Variants in NUP210L observed in about 807,000 individuals in gnomAD.
NUP210L encodes the protein nuclear pore membrane glycoprotein 210-like.
NUP210L carries 74 observed loss-of-function variants against 208.5 expected under a neutral mutation model. The ratio of observed to expected loss-of-function variants is 0.35; its 90% CI spans 0.29 to 0.43. NUP210L has a LOEUF of 0.43. NUP210L is among the 20% of genes least tolerant of loss of function. The pLI is 1.00. For synonymous variants in NUP210L, 780 were observed against 816.9 expected, an observed-to-expected ratio of 0.95 and a Z score of 0.77; for missense variants, 1,843 against 2,289.4, an observed-to-expected ratio of 0.81 and a Z score of 3.98.
In NUP210L at chr1:154,126,308, C is replaced by G; in HGVS notation, c.1326+15G>C. The G allele has an allele frequency of 6.2e-7, 1 of 1,603,952 alleles. No homozygotes were observed. The highest frequency in any genetic ancestry group is 8.5e-7 in the Non-Finnish European group (1 of 1,175,980). ...AGTGTTCTTAGAATACAAACACTGT[C>G]TGTTTAATTCCTACCTGGTAAATGA... is the stretch of plus-strand genomic sequence containing the variant. On this transcript the variant is annotated intron_variant, in intron 10 of 39. Transcript: ENST00000368559.
intron 20 of NUP210L, among the ~76,000 whole-genome samples, chr1:154,059,484 A>G (rs1292099359): frequency 6.6e-6 from 1 of 152,186 alleles, no homozygotes; most frequent in African/African-American, 2.4e-5. Context: ...ACAGAGTGAG[A>G]CCCTATTTCT....
At chr1:154,148,268 GAA>G (rs1186039766) in intron 2 of NUP210L, among the ~76,000 whole-genome samples, 1 of 139,290 alleles carries the variant, frequency 7.2e-6, no homozygotes, top group Non-Finnish European at 1.6e-5. Flanking sequence ...CTCGGTCTCA[GAA>G]AAAAAAAAAA....
chr1:154,013,675 TAATCTC>T (rs1358270935), intron 33 of NUP210L, among the ~76,000 whole-genome samples: 5 of 152,312 alleles, frequency 3.3e-5, no homozygotes, highest in African/African-American at 1.2e-4. Flanking sequence ...TAGTTGCACA[TAATCTC>T]AATCTTTTCT....
chr1:154,053,567 C>T (rs563296431), intron 25 of NUP210L, among the ~76,000 whole-genome samples: 81 of 152,316 alleles, frequency 5.3e-4, no homozygotes, highest in Middle Eastern at 3.4e-3. Context: ...CAAGGAACAC[C>T]TGGCCCACCC....
intron 16 of NUP210L, among the ~76,000 whole-genome samples, chr1:154,082,650 G>C (rs986961641): frequency 6.6e-6 from 1 of 152,130 alleles, no homozygotes; most frequent in Admixed American, 6.5e-5. Flanking sequence ...AGTTCCATGA[G>C]TCACTCTGCT....
chr1:154,011,373 G>A (rs1571164584), intron 34 of NUP210L, among the ~76,000 whole-genome samples: 3 of 151,476 alleles, frequency 2.0e-5, no homozygotes, highest in South Asian at 2.1e-4. Context: ...ACAGGCACCC[G>A]CCACTGCACC....
intron 10 of NUP210L, 134 bp downstream of exon 10, chr1:154,126,189 C>G (rs983669829): frequency 5.7e-6 from 4 of 704,894 alleles, no homozygotes; most frequent in African/African-American, 1.8e-5. Flanking sequence ...TATACACTTA[C>G]GAATTTGCTG....
intron 27 of NUP210L, among the ~76,000 whole-genome samples, chr1:154,036,553 T>A (rs1004075967): frequency 6.6e-6 from 1 of 150,978 alleles, no homozygotes; most frequent in African/African-American, 2.4e-5. Context: ...TTAGTAGAGA[T>A]GGGGTTTCAC....
intron 10 of NUP210L, among the ~76,000 whole-genome samples, chr1:154,125,977 C>G (rs1191608445): frequency 6.7e-6 from 1 of 150,086 alleles, no homozygotes; most frequent in Non-Finnish European, 1.5e-5. Flanking sequence ...ACCGTTTTAG[C>G]CGGGATGGTC....
At chr1:154,046,432 T>C (rs934641912) in intron 25 of NUP210L, 63 bp from the exon 26 acceptor site, 1 of 1,328,896 alleles carries the variant, frequency 7.5e-7, no homozygotes, top group Non-Finnish European at 1.1e-6. Context: ...TGGACAGAGA[T>C]GCTTTTGATA....
At chr1:154,103,626 C>T (rs532610653) in intron 13 of NUP210L, among the ~76,000 whole-genome samples, 358 of 140,946 alleles carry the variant, frequency 2.5e-3, no homozygotes, top group Non-Finnish European at 3.5e-3. Flanking sequence ...GAGCCGAGAT[C>T]GCGCCACTGC....
chr1:154,148,386 G>A (rs1392176066), intron 2 of NUP210L, among the ~76,000 whole-genome samples: 1 of 152,114 alleles, frequency 6.6e-6, no homozygotes, highest in Non-Finnish European at 1.5e-5. Flanking sequence ...GGGAGGTTAG[G>A]GTGGGCAGAT....
chr1:154,121,240 T>C lies in NUP210L; in HGVS notation c.1327-2432A>G, dbSNP rs549745207. ...TCTCTATGCACTTGACTGGAGTGTG[T>C]CTACAGGTAATAATTTAAACAGCTG... On this transcript the variant is annotated intron_variant, in intron 10 of 39. Transcript: ENST00000368559. Among the ~76,000 whole-genome samples, 230 of 152,296 alleles carry C rather than the reference T, an allele frequency of 1.5e-3. 1 individual carries two copies. The highest frequency in any genetic ancestry group is 5.3e-3 in the African/African-American group (219 of 41,562).
At chr1:154,057,343 T>G (rs1187260805) in intron 22 of NUP210L, among the ~76,000 whole-genome samples, 1 of 152,132 alleles carries the variant, frequency 6.6e-6, no homozygotes, top group Non-Finnish European at 1.5e-5. Flanking sequence ...CTGCTCATTT[T>G]AACTCTGGTT....
chr1:154,095,688 T>C (rs1309939666), intron 14 of NUP210L, among the ~76,000 whole-genome samples: 2 of 152,228 alleles, frequency 1.3e-5, no homozygotes, highest in Non-Finnish European at 2.9e-5. Context: ...AAAGATAAGA[T>C]GCATAAGCAT....
chr1:154,139,935 T>C (rs547122542), exon 5 of NUP210L: 1 of 1,609,478 alleles, frequency 6.2e-7, no homozygotes, highest in East Asian at 2.2e-5. Context: ...ATATTCTGCT[T>C]CGGAGTATTT....
At chr1:154,127,391 A>G in exon 9 of NUP210L, 3 of 1,600,426 alleles carry the variant, frequency 1.9e-6, no homozygotes, top group Non-Finnish European at 2.6e-6. Flanking sequence ...TCTAGACTCC[A>G]TCGGTTTCCA....
chr1:154,046,706 C>A (rs3001365), intron 25 of NUP210L, among the ~76,000 whole-genome samples: 86,999 of 152,080 alleles, frequency 0.57, 25,795 homozygotes, highest in East Asian at 0.95. Context: ...GATAAACTTC[C>A]CATGTTCTCA....
intron 27 of NUP210L, among the ~76,000 whole-genome samples, chr1:154,033,518 G>A (rs1404957147): frequency 6.6e-6 from 1 of 152,156 alleles, no homozygotes; most frequent in African/African-American, 2.4e-5. Flanking sequence ...TTTCCGCAAT[G>A]TGTATTCTTG....
Sources: gnomAD v4.1 joint callset for allele counts (sites outside exome capture counted in the v4.1 genomes callset) on GRCh38, gnomAD v4.1.1 for gene constraint, MANE v1.5 for transcripts, NCBI Gene and HGNC (gene_info 2026-07-23, HGNC 2026-07-21) for gene names.